The following ULK4 variants were observed in gnomAD, a reference collection of about 807,000 sequenced individuals.
ULK4 encodes inactive serine/threonine-protein kinase ULK4.
Under a neutral mutation model 160.6 loss-of-function variants are expected in ULK4, and 133 were observed. That is an observed-to-expected ratio of 0.83 (90% CI 0.72 to 0.96). The LOEUF is 0.96. Ranked by LOEUF, ULK4 falls within the 40% of genes least tolerant of loss-of-function variation. The pLI, the probability that ULK4 is intolerant of heterozygous loss-of-function variation, is 0.00. For missense variants in ULK4, 1,580 were observed against 1,499.5 expected, an observed-to-expected ratio of 1.05 and a Z score of -0.89; for synonymous variants, 534 against 539.8, an observed-to-expected ratio of 0.99 and a Z score of 0.15.
At chr3:41,305,998 G>A (rs1047232161) in intron 35 of ULK4, among the ~76,000 whole-genome samples, 2 of 149,090 alleles carry the variant, frequency 1.3e-5, no homozygotes, top group African/African-American at 5.0e-5. Context: ...CGCCCCGTCT[G>A]AGAAGTAAGG....
At chr3:41,538,467 G>A (rs2086586838) in intron 32 of ULK4, among the ~76,000 whole-genome samples, 1 of 151,904 alleles carries the variant, frequency 6.6e-6, no homozygotes, top group African/African-American at 2.4e-5. Flanking sequence ...TTGTTATTAC[G>A]TCATGACTTT....
chr3:41,516,359 T>C (rs1012991641), intron 32 of ULK4, among the ~76,000 whole-genome samples: 6 of 152,182 alleles, frequency 3.9e-5, no homozygotes. Context: ...ACTTTTCAGC[T>C]ATTAAAACCA....
chr3:41,363,991 T>C (rs2081201949), intron 35 of ULK4, among the ~76,000 whole-genome samples: 2 of 151,968 alleles, frequency 1.3e-5, no homozygotes, highest in African/African-American at 4.8e-5. Flanking sequence ...AGTGCAGTGG[T>C]GTGATCTCAG....
chr3:41,625,259 T>C (rs1214087569), intron 30 of ULK4, among the ~76,000 whole-genome samples: 1 of 152,222 alleles, frequency 6.6e-6, no homozygotes, highest in Non-Finnish European at 1.5e-5. Context: ...CTTTTCTTTT[T>C]TTAAACCATG....
intron 19 of ULK4, among the ~76,000 whole-genome samples, chr3:41,807,900 G>A (rs1264419637): frequency 6.6e-6 from 1 of 152,028 alleles, no homozygotes; most frequent in Non-Finnish European, 1.5e-5. Flanking sequence ...AATAAAATGT[G>A]ACATCCATTT....
At chr3:41,553,590 A>G (rs993765908) in intron 32 of ULK4, among the ~76,000 whole-genome samples, 5 of 152,146 alleles carry the variant, frequency 3.3e-5, no homozygotes, top group Admixed American at 6.5e-5. Flanking sequence ...AGGACAAAAA[A>G]TAACAGATGC....
chr3:41,578,653 G>C (rs1169612446), intron 31 of ULK4, among the ~76,000 whole-genome samples: 1 of 152,128 alleles, frequency 6.6e-6, no homozygotes, highest in Non-Finnish European at 1.5e-5. Flanking sequence ...AATAAATGTG[G>C]GTCCAAAATG....
chr3:41,796,359 G>A (rs571917262), intron 20 of ULK4, among the ~76,000 whole-genome samples: 86 of 152,214 alleles, frequency 5.6e-4, no homozygotes, highest in African/African-American at 2.1e-3. Flanking sequence ...GGGAGGCCAA[G>A]GCAGACAGAT....
intron 32 of ULK4, among the ~76,000 whole-genome samples, chr3:41,487,859 G>A (rs992183882): frequency 6.6e-6 from 1 of 152,186 alleles, no homozygotes; most frequent in African/African-American, 2.4e-5. Context: ...TATAACATGT[G>A]TAAATATCCC....
chr3:41,279,893 AC>A (rs1283036132), intron 35 of ULK4, among the ~76,000 whole-genome samples: 6 of 152,166 alleles, frequency 3.9e-5, no homozygotes, highest in African/African-American at 1.4e-4. Context: ...TATTCAGGAA[AC>A]CCATCTCATG....
At chr3:41,856,495 TAATAAATA>T (rs3044178) in intron 17 of ULK4, among the ~76,000 whole-genome samples, 1 of 119,654 alleles carries the variant, frequency 8.4e-6, no homozygotes, top group Non-Finnish European at 1.7e-5. Context: ...GAGGACACAT[TAATAAATA>T]AATAAATAAA....
chr3:41,654,728 A>ACCCAAT (rs2034867569), intron 30 of ULK4, among the ~76,000 whole-genome samples: 1 of 152,176 alleles, frequency 6.6e-6, no homozygotes, highest in African/African-American at 2.4e-5. Context: ...ATGAATGTGC[A>ACCCAAT]CCCAATTTGA....
At chr3:41,442,717 C>T (rs1031415971) in intron 34 of ULK4, among the ~76,000 whole-genome samples, 1 of 152,044 alleles carries the variant, frequency 6.6e-6, no homozygotes, top group Non-Finnish European at 1.5e-5. Flanking sequence ...CCTCAGTCTC[C>T]CAAAGCACTG....
At chr3:41,417,455 A>G (rs566455513) in intron 34 of ULK4, among the ~76,000 whole-genome samples, 2 of 152,282 alleles carry the variant, frequency 1.3e-5, no homozygotes, top group South Asian at 2.1e-4. Flanking sequence ...GGGTTGGAGG[A>G]GGCTGTGACC....
At chr3:41,589,502 T>C (rs2031119255) in intron 31 of ULK4, among the ~76,000 whole-genome samples, 1 of 147,612 alleles carries the variant, frequency 6.8e-6, no homozygotes, top group Non-Finnish European at 1.5e-5. Flanking sequence ...TTCCCAGAGC[T>C]CACAGAAGGC....
intron 32 of ULK4, among the ~76,000 whole-genome samples, chr3:41,465,168 T>C (rs949829306): frequency 2.0e-5 from 3 of 152,230 alleles, no homozygotes; most frequent in African/African-American, 2.4e-5. Flanking sequence ...ATTTTCAGTG[T>C]TCTTCATAGC....
chr3:41,427,721 C>A (rs1052377773), intron 34 of ULK4, among the ~76,000 whole-genome samples: 1 of 152,142 alleles, frequency 6.6e-6, no homozygotes. Flanking sequence ...AATTCAACAT[C>A]CCTCCATGCT....
intron 22 of ULK4, among the ~76,000 whole-genome samples, chr3:41,736,250 C>T (rs1441300712): frequency 3.3e-5 from 5 of 151,590 alleles, no homozygotes; most frequent in Non-Finnish European, 5.9e-5. Context: ...AGTTCTAGAT[C>T]ACTGAGGAAT....
At chr3:41,573,126 C>T (rs901196796) in intron 31 of ULK4, among the ~76,000 whole-genome samples, 1 of 152,202 alleles carries the variant, frequency 6.6e-6, no homozygotes, top group African/African-American at 2.4e-5. Flanking sequence ...AAACACAGCA[C>T]TTGCCAGTAG....
Sources: allele counts gnomAD v4.1 joint callset (sites outside exome capture counted in the v4.1 genomes callset), GRCh38; gene constraint gnomAD v4.1.1; transcripts MANE v1.5; gene names NCBI Gene and HGNC (gene_info 2026-07-23, HGNC 2026-07-21).